Variants in NUP205 observed in about 807,000 individuals in gnomAD.
NUP205 encodes the protein nucleoporin 205, also known as nuclear pore complex protein Nup205.
In NUP205, 76 loss-of-function variants were observed where a neutral mutation model predicts 253.8. The observed-to-expected ratio is 0.30, with a 90% CI of 0.25 to 0.36. The LOEUF is 0.36. Among genes scored for constraint, NUP205 ranks in the 10% least tolerant of loss-of-function variants. NUP205 has a pLI of 1.00. For missense variants in NUP205, 2,162 were observed against 2,425.5 expected (o/e 0.89, Z 2.28); for synonymous variants, 832 against 850.1 (o/e 0.98, Z 0.37).
At chr7:135,614,409 T>C in intron 23 of NUP205, 136 bp downstream of exon 23, 1 of 572,496 alleles carries the variant, frequency 1.7e-6, no homozygotes, top group Non-Finnish European at 3.1e-6. Flanking sequence ...GTTCTTTTTG[T>C]AATTTCTGCT....
At chr7:135,597,451 C>T in intron 14 of NUP205, 33 bp downstream of exon 14, 1 of 1,306,940 alleles carries the variant, frequency 7.7e-7, no homozygotes, top group Admixed American at 1.7e-5. Context: ...AATGTTAATT[C>T]ATTCATGCAT....
rs1013152084 is a variant in NUP205, at chr7:135,627,899, A to G, written c.4794-74A>G. 8.3e-6 allele frequency: 12 copies of G among 1,451,430 alleles called. No individual in the cohort carries two copies. In the East Asian group the frequency reaches 1.1e-4, roughly 14 times the overall value. 89.9% of individuals were successfully genotyped at this position (1,451,430 alleles called of 1,614,324 possible). A position where few individuals can be genotyped will look rare whatever the true frequency, so the allele number is the denominator to read the frequency against. On this transcript the variant is annotated intron_variant, in intron 33 of 42. Coordinates refer to ENST00000285968, the MANE Select transcript of NUP205 (RefSeq NM_015135.3). Reference sequence around the variant, plus strand: ...ATCAGCCGGCTCTGATTTATTTGCCATATCAGTGTTAAGGAATTGCCGAGA... The same window carrying G: ...ATCAGCCGGCTCTGATTTATTTGCCGTATCAGTGTTAAGGAATTGCCGAGA...
intron 20 of NUP205, 26 bp downstream of exon 20, chr7:135,606,252 A>T (rs766560355): frequency 2.1e-6 from 3 of 1,403,034 alleles, no homozygotes; most frequent in Non-Finnish European, 3.0e-6. Context: ...ATGTGCATAC[A>T]CGCATTCTTT....
At chr7:135,621,616 C>G (rs1227440994) in intron 30 of NUP205, among the ~76,000 whole-genome samples, 1 of 152,010 alleles carries the variant, frequency 6.6e-6, no homozygotes, top group Non-Finnish European at 1.5e-5. Context: ...GTTTGTGGGT[C>G]TTACATAAAA....
At chr7:135,622,011 C>T (rs975837336) in intron 30 of NUP205, among the ~76,000 whole-genome samples, 1 of 148,126 alleles carries the variant, frequency 6.8e-6, no homozygotes, top group African/African-American at 2.5e-5. Context: ...ACCATGTTGG[C>T]CAGGCTGGTT....
chr7:135,600,190 A>T (rs1793934493), intron 15 of NUP205, among the ~76,000 whole-genome samples: 1 of 152,172 alleles, frequency 6.6e-6, no homozygotes, highest in Admixed American at 6.6e-5. Context: ...TTTACTGGCT[A>T]TGCAGTTGTA....
chr7:135,616,183 AT>A (rs543529398), intron 24 of NUP205, 118 bp downstream of exon 24: 105 of 924,012 alleles, frequency 1.1e-4, no homozygotes, highest in African/African-American at 3.8e-4. Flanking sequence ...CACTTTTAGA[AT>A]TTTTTTTTCT....
At chr7:135,612,142 A>AG (rs966404423) in intron 22 of NUP205, among the ~76,000 whole-genome samples, 2 of 152,148 alleles carry the variant, frequency 1.3e-5, no homozygotes, top group African/African-American at 4.8e-5. Context: ...AGAAAAAAAA[A>AG]CAGAATATAT....
At chr7:135,570,029 T>TTATA (rs145414092) in intron 1 of NUP205, among the ~76,000 whole-genome samples, 1,146 of 98,414 alleles carry the variant, frequency 0.012, 28 homozygotes, top group African/African-American at 0.018. Context: ...TGTTTATGTT[T>TTATA]TATATATATA....
chr7:135,601,075 A>C, intron 16 of NUP205, 106 bp downstream of exon 16: 1 of 630,896 alleles, frequency 1.6e-6, no homozygotes, highest in Non-Finnish European at 2.6e-6. Flanking sequence ...ATTAGAATTT[A>C]ATCTTTTGTT....
chr7:135,644,368 C>A (rs1319667626), intron 39 of NUP205, among the ~76,000 whole-genome samples: 2 of 152,194 alleles, frequency 1.3e-5, no homozygotes, highest in Non-Finnish European at 2.9e-5. Context: ...GCGTGGCCTT[C>A]CATCAGCCTC....
intron 7 of NUP205, among the ~76,000 whole-genome samples, chr7:135,583,170 A>G (rs1206177468): frequency 1.3e-5 from 2 of 152,162 alleles, no homozygotes; most frequent in Non-Finnish European, 2.9e-5. Context: ...CTTGGCTTTT[A>G]TCTGTTCCTG....
Position 135,648,567 on chromosome 7 carries a change from T to G in NUP205, c.*11T>G, listed in dbSNP as rs1795060305. On this transcript the variant is annotated 3_prime_UTR_variant, in exon 43 of 43. Transcript: ENST00000285968. ...ATATCAAGGAACTGAGAGCCCGTGC[T>G]TATGCTCTTCTATGAGAGAGATGAA... The G allele has an allele frequency of 6.6e-7, 1 of 1,526,314 alleles. No individual in the cohort carries two copies. Among genetic ancestry groups the G allele is most frequent in the Non-Finnish European group, 8.8e-7 (1 of 1,140,898 alleles). The allele number at this position is 1,526,314 out of a possible 1,614,324, so 94.5% of individuals were successfully genotyped here. A position where few individuals can be genotyped will look rare whatever the true frequency, so the allele number is the denominator to read the frequency against.
At chr7:135,609,170 A>AC (rs1389989688) in intron 22 of NUP205, among the ~76,000 whole-genome samples, 1 of 151,220 alleles carries the variant, frequency 6.6e-6, no homozygotes, top group African/African-American at 2.4e-5. Flanking sequence ...TTTAAGTGTT[A>AC]CCCTAAATTT....
Position 135,645,592 on chromosome 7 carries a change from G to T in NUP205, c.5808G>T (p.Leu1936=). 1 of 1,612,208 alleles carries T rather than the reference G, an allele frequency of 6.2e-7. No individual in the cohort carries two copies. Among genetic ancestry groups the T allele is most frequent in the Non-Finnish European group, 8.5e-7 (1 of 1,179,572 alleles). ...GAACCTTGTTTAAAAGCAGAAGACTGCAAGGTAAACTTTCTGCTAAAAATT... is the reference window on the plus strand; with the variant it reads ...GAACCTTGTTTAAAAGCAGAAGACTTCAAGGTAAACTTTCTGCTAAAAATT... ...ASRTLFKSRR[L]QDSFASETNL... Residue 1936 remains leucine, a synonymous_variant, in exon 41 of 43, where the codon CTG becomes CTT. Transcript: ENST00000285968.
intron 7 of NUP205, among the ~76,000 whole-genome samples, 188 bp from the exon 8 acceptor site, chr7:135,584,644 T>C (rs531443800): frequency 6.6e-6 from 1 of 152,366 alleles, no homozygotes; most frequent in East Asian, 1.9e-4. Context: ...AGTATATTGT[T>C]ATTTGGGGTT....
intron 21 of NUP205, 59 bp from the exon 22 acceptor site, chr7:135,607,188 T>C: frequency 6.3e-7 from 1 of 1,592,642 alleles, no homozygotes; most frequent in Non-Finnish European, 8.5e-7. Context: ...AAAGGCAGTC[T>C]AAGATTTTAA....
At chr7:135,616,999 T>G (rs1349709203) in intron 25 of NUP205, 91 bp from the exon 26 acceptor site, 1 of 929,964 alleles carries the variant, frequency 1.1e-6, no homozygotes, top group Admixed American at 3.0e-5. Context: ...TTTCTGAAAA[T>G]AGCACTGTCT....
At chr7:135,563,790 G>A (rs766166992) in intron 1 of NUP205, among the ~76,000 whole-genome samples, 71 of 152,020 alleles carry the variant, frequency 4.7e-4, no homozygotes, top group Non-Finnish European at 1.3e-4. Context: ...TTCAAGGCAA[G>A]CCTGGGCAAC....
Sources: gnomAD v4.1 joint callset for allele counts (sites outside exome capture counted in the v4.1 genomes callset) on GRCh38, gnomAD v4.1.1 for gene constraint, MANE v1.5 for transcripts, NCBI Gene and HGNC (gene_info 2026-07-23, HGNC 2026-07-21) for gene names.